NF1: variants seen among roughly 807,000 people sequenced by gnomAD.
NF1 encodes the protein neurofibromin 1, also known as neurofibromin.
Under a neutral mutation model 325.7 loss-of-function variants are expected in NF1, and 122 were observed. That is an observed-to-expected ratio of 0.37 (90% CI 0.32 to 0.44). NF1 has a LOEUF of 0.44. Among genes scored for constraint, NF1 ranks in the 20% least tolerant of loss-of-function variants. The pLI, the probability that NF1 is intolerant of heterozygous loss-of-function variation, is 1.00. For missense variants in NF1, 2,140 were observed against 3,415.4 expected, an observed-to-expected ratio of 0.63 and a Z score of 9.31; for synonymous variants, 1,091 against 1,186.0, an observed-to-expected ratio of 0.92 and a Z score of 1.65.
intron 39 of NF1, among the ~76,000 whole-genome samples, chr17:31,333,253 T>C (rs1264543666): frequency 6.6e-6 from 1 of 152,238 alleles, no homozygotes; most frequent in African/African-American, 2.4e-5. Flanking sequence ...AGACTATTCA[T>C]ACCTTTTGGC....
intron 1 of NF1, among the ~76,000 whole-genome samples, chr17:31,134,205 TTA>T (rs1349384615): frequency 6.6e-6 from 1 of 152,194 alleles, no homozygotes; most frequent in East Asian, 1.9e-4. Flanking sequence ...AGAGTTATAT[TTA>T]AGCTCATCAG....
chr17:31,246,303 C>CTAA (rs1213441052), intron 29 of NF1, among the ~76,000 whole-genome samples: 1 of 152,194 alleles, frequency 6.6e-6, no homozygotes, highest in African/African-American at 2.4e-5. Flanking sequence ...TCTGTGCCTC[C>CTAA]TTTAGAACTC....
At chr17:31,210,029 A>G (rs1033158175) in intron 12 of NF1, among the ~76,000 whole-genome samples, 2 of 152,208 alleles carry the variant, frequency 1.3e-5, no homozygotes, top group Non-Finnish European at 2.9e-5. Flanking sequence ...AAATAAAGTT[A>G]TATTAATAAC....
rs113561645 is a variant in NF1, at chr17:31,206,403, T to C, written c.1392+32T>C. The C allele has an allele frequency of 7.4e-6, 12 of 1,612,706 alleles. No homozygotes were observed. In the Admixed American group the frequency reaches 1.8e-4, roughly 25 times the overall value. On this transcript the variant is annotated intron_variant, in intron 12 of 57. Coordinates refer to ENST00000358273, the MANE Select transcript of NF1 (RefSeq NM_001042492.3). ...TAAATCACGAATTTTGAATCTCACC[T>C]CCTTTCTATTGCATTTTTTTTAGTG...
chr17:31,178,418 C>T (rs1214607220), intron 5 of NF1, among the ~76,000 whole-genome samples: 1 of 152,200 alleles, frequency 6.6e-6, no homozygotes, highest in Non-Finnish European at 1.5e-5. Context: ...AAAAACATAA[C>T]AAATTGTAAA....
chr17:31,287,342 A>G (rs1044906653), intron 36 of NF1, among the ~76,000 whole-genome samples: 15 of 152,246 alleles, frequency 9.9e-5, no homozygotes, highest in Admixed American at 5.2e-4. Context: ...GTTCTTAACC[A>G]TATTTTTTAT....
chr17:31,158,517 C>T (rs1306654527), intron 2 of NF1, among the ~76,000 whole-genome samples: 4 of 151,970 alleles, frequency 2.6e-5, no homozygotes, highest in East Asian at 1.9e-4. Flanking sequence ...GTTATATTGG[C>T]GTTCATTTAG....
intron 36 of NF1, among the ~76,000 whole-genome samples, chr17:31,302,665 C>G (rs1009416126): frequency 8.6e-5 from 13 of 151,654 alleles, no homozygotes; most frequent in African/African-American, 3.2e-4. Flanking sequence ...TATGGTGAAA[C>G]CCCATCTCTA....
At chr17:31,159,329 C>T (rs1458792263) in intron 3 of NF1, among the ~76,000 whole-genome samples, 2 of 152,132 alleles carry the variant, frequency 1.3e-5, no homozygotes, top group East Asian at 3.8e-4. Flanking sequence ...TGTTATGTTT[C>T]AGCCACGTAT....
chr17:31,156,623 A>G (rs972976162), intron 2 of NF1, among the ~76,000 whole-genome samples: 14 of 152,156 alleles, frequency 9.2e-5, no homozygotes, highest in Non-Finnish European at 1.6e-4. Context: ...TCCTTCTGTA[A>G]CCTGTGACAG....
chr17:31,340,788 C>T (rs2069800608), intron 47 of NF1, 143 bp downstream of exon 47: 1 of 825,198 alleles, frequency 1.2e-6, no homozygotes, highest in Admixed American at 2.5e-5. Flanking sequence ...GAGTATATTT[C>T]CTTACCAGCT....
chr17:31,367,875 G>A (rs2070559554), intron 57 of NF1, among the ~76,000 whole-genome samples: 1 of 151,898 alleles, frequency 6.6e-6, no homozygotes, highest in African/African-American at 2.4e-5. Flanking sequence ...ACTGAGGTGG[G>A]GAGGTTGAGG....
chr17:31,367,100 T>G, intron 57 of NF1: 1 of 362,622 alleles, frequency 2.8e-6, no homozygotes, highest in Non-Finnish European at 4.7e-6. Context: ...ATTCAATAAT[T>G]AAAACCAGAT....
intron 36 of NF1, chr17:31,318,645 CT>C (rs762752189): frequency 1.2e-6 from 2 of 1,614,062 alleles, no homozygotes; most frequent in African/African-American, 2.7e-5. Context: ...CACAGACATC[CT>C]TTTTGAAAAT....
chr17:31,169,963 T>C lies in NF1; in HGVS notation c.552T>C (p.Asn184=). The C allele has an allele frequency of 6.2e-7, 1 of 1,611,240 alleles. No homozygotes were observed. Among genetic ancestry groups the C allele is most frequent in the South Asian group, 1.1e-5 (1 of 91,012 alleles). The change falls in exon 5 of 58, where the codon AAT becomes AAC. Residue 184 remains asparagine, a synonymous_variant. Transcript: ENST00000358273. ...VHDIELLQYI[N]VDCAKLKRLL... is the part of the protein sequence containing the mutation. ...ATATAGAATTGTTACAGTATATCAA[T>C]GTGGATTGTGCAAAATTAAAACGAC...
chr17:31,245,338 C>T (rs1025660922), intron 29 of NF1, among the ~76,000 whole-genome samples: 4 of 152,204 alleles, frequency 2.6e-5, no homozygotes, highest in Non-Finnish European at 4.4e-5. Flanking sequence ...TCATTTTCCT[C>T]CTCTGGCTTC....
At chr17:31,127,254 T>G (rs1914961882) in intron 1 of NF1, among the ~76,000 whole-genome samples, 1 of 152,140 alleles carries the variant, frequency 6.6e-6, no homozygotes, top group Non-Finnish European at 1.5e-5. Context: ...ATAATGCCTT[T>G]CCATATTGGT....
intron 1 of NF1, among the ~76,000 whole-genome samples, chr17:31,144,681 C>T (rs1221832221): frequency 6.6e-6 from 1 of 152,150 alleles, no homozygotes; most frequent in East Asian, 1.9e-4. Context: ...TCACAGCATG[C>T]TGATCTCAGA....
At chr17:31,166,128 G>A (rs2065840765) in intron 4 of NF1, among the ~76,000 whole-genome samples, 1 of 152,132 alleles carries the variant, frequency 6.6e-6, no homozygotes, top group Non-Finnish European at 1.5e-5. Context: ...TTGTTTTGTA[G>A]TGAGAAGGTG....
Sources: gnomAD v4.1 joint callset for allele counts (sites outside exome capture counted in the v4.1 genomes callset) on GRCh38, gnomAD v4.1.1 for gene constraint, MANE v1.5 for transcripts, NCBI Gene and HGNC (gene_info 2026-07-23, HGNC 2026-07-21) for gene names.